The following MACROD2 variants were observed in gnomAD, a reference collection of about 807,000 sequenced individuals.
MACROD2 encodes the protein mono-ADP ribosylhydrolase 2.
MACROD2 carries 36 observed loss-of-function variants against 70.4 expected under a neutral mutation model. That is an observed-to-expected ratio of 0.51 (90% CI 0.39 to 0.68). MACROD2 has a LOEUF of 0.68. MACROD2 is among the 30% of genes least tolerant of loss of function. The pLI is 0.00. For synonymous variants in MACROD2, 172 were observed against 178.8 expected, an observed-to-expected ratio of 0.96 and a Z score of 0.30; for missense variants, 496 against 538.4, an observed-to-expected ratio of 0.92 and a Z score of 0.78.
intron 8 of MACROD2, among the ~76,000 whole-genome samples, chr20:15,721,258 C>A (rs2050783468): frequency 6.6e-6 from 1 of 151,926 alleles, no homozygotes; most frequent in South Asian, 2.1e-4. Flanking sequence ...AGTCTTGTAA[C>A]CCATGAGCAT....
intron 9 of MACROD2, among the ~76,000 whole-genome samples, chr20:15,870,799 A>G (rs2064569626): frequency 6.6e-6 from 1 of 152,206 alleles, no homozygotes; most frequent in African/African-American, 2.4e-5. Flanking sequence ...GTTTCAGGTA[A>G]AAAGTCAGTT....
intron 15 of MACROD2, among the ~76,000 whole-genome samples, chr20:15,987,639 A>G (rs1251189393): frequency 2.0e-5 from 3 of 152,180 alleles, no homozygotes; most frequent in Non-Finnish European, 4.4e-5. Flanking sequence ...GGATGCAATC[A>G]TATTGAATAC....
chr20:16,036,709 A>G lies in MACROD2; in HGVS notation c.1154-4492A>G, dbSNP rs560611275. ...ATCCAGTTGCACTGCCCAGCGATGT[A>G]GAAGCTATTAGGATAGTACCAGTTC... On this transcript the variant is annotated intron_variant, in intron 15 of 17. Transcript: ENST00000684519. Among the ~76,000 whole-genome samples, 3 of 152,128 alleles carry G rather than the reference A, an allele frequency of 2.0e-5. No individual in the cohort carries two copies. In the South Asian group the frequency reaches 6.2e-4, roughly 31 times the overall value.
Position 14,513,356 on chromosome 20 carries a change from A to T in MACROD2, c.301+19848A>T, listed in dbSNP as rs371827510. On this transcript the variant is annotated intron_variant, in intron 4 of 17. Transcript: ENST00000684519. Reference sequence around the variant, plus strand: ...AACAGGTCCTAACTGATGGGATTTAAATACTGTATATAGTAATTAAATAGT... The same window carrying T: ...AACAGGTCCTAACTGATGGGATTTATATACTGTATATAGTAATTAAATAGT... Among the ~76,000 whole-genome samples, 7 of 152,226 alleles carry T rather than the reference A, an allele frequency of 4.6e-5. No individual in the cohort carries two copies. In the East Asian group the frequency reaches 9.6e-4, roughly 21 times the overall value.
In MACROD2 at chr20:15,572,577, ATTAG is replaced by A. The variant is rs576576634; in HGVS notation, c.645+72733_645+72736del. Among the ~76,000 whole-genome samples the A allele has an allele frequency of 3.7e-3, 566 of 152,208 alleles. 4 individuals carry two copies. The highest frequency in any genetic ancestry group is 0.013 in the African/African-American group (541 of 41,554). On this transcript the variant is annotated intron_variant, in intron 8 of 17. Transcript: ENST00000684519. ...TGAGTCTGAAAATATTTCCTTATAA[ATTAG>A]TTTATTTGGTTTGTTTATACTAACA...
At position 16,051,452 on chromosome 20, in the gene MACROD2, A is replaced by T. The variant is rs2067457194; in HGVS notation, c.*1576A>T. ...CTTATTTGATATACTGGAATAGTTA[A>T]CAAGCTATACTTCAGCATATGCACT... is the stretch of plus-strand genomic sequence containing the variant. On this transcript the variant is annotated 3_prime_UTR_variant, in exon 18 of 18. Transcript: ENST00000684519. 3.3e-5 allele frequency: 5 copies of T among 152,190 alleles called. No individual in the cohort carries two copies. The highest frequency in any genetic ancestry group is 7.2e-5 in the African/African-American group (3 of 41,452). 9.4% of individuals were successfully genotyped at this position (152,190 alleles called of 1,614,324 possible). A position where few individuals can be genotyped will look rare whatever the true frequency, so the allele number is the denominator to read the frequency against.
intron 3 of MACROD2, among the ~76,000 whole-genome samples, chr20:14,111,957 G>A (rs914816952): frequency 1.3e-5 from 2 of 151,958 alleles, no homozygotes; most frequent in Admixed American, 1.3e-4. Context: ...AGCAGCCTAA[G>A]TGCCCATCAG....
chr20:14,044,940 C>T (rs767681390), intron 2 of MACROD2, among the ~76,000 whole-genome samples: 16 of 152,242 alleles, frequency 1.1e-4, no homozygotes, highest in Non-Finnish European at 2.2e-4. Context: ...GAGGCTCAGG[C>T]ATGGTGGGCT....
intron 8 of MACROD2, among the ~76,000 whole-genome samples, chr20:15,547,545 G>A (rs1315813592): frequency 1.3e-5 from 2 of 152,080 alleles, no homozygotes; most frequent in Non-Finnish European, 2.9e-5. Context: ...GAATAATACC[G>A]CTCATATTAC....
chr20:14,373,427 T>C (rs1341742517), intron 3 of MACROD2, among the ~76,000 whole-genome samples: 2 of 152,022 alleles, frequency 1.3e-5, no homozygotes, highest in Non-Finnish European at 2.9e-5. Flanking sequence ...TTGTCTCTAG[T>C]ATTTTTTTTT....
chr20:15,956,909 C>CA (rs1341151834), intron 12 of MACROD2, among the ~76,000 whole-genome samples: 2 of 152,168 alleles, frequency 1.3e-5, no homozygotes, highest in African/African-American at 4.8e-5. Context: ...TCTTACTCTT[C>CA]AAAAAAGATT....
At chr20:14,440,110 T>C (rs2084105091) in intron 3 of MACROD2, among the ~76,000 whole-genome samples, 2 of 152,330 alleles carry the variant, frequency 1.3e-5, no homozygotes, top group Middle Eastern at 3.4e-3. Context: ...GGCTAGTACA[T>C]GGGCTTTAGC....
intron 5 of MACROD2, among the ~76,000 whole-genome samples, chr20:14,695,142 C>T (rs1454256601): frequency 1.3e-5 from 2 of 152,160 alleles, no homozygotes; most frequent in Non-Finnish European, 2.9e-5. Context: ...AATTTATTCT[C>T]TCTCAGTTCT....
At chr20:15,605,920 G>T (rs2048887170) in intron 8 of MACROD2, among the ~76,000 whole-genome samples, 1 of 152,116 alleles carries the variant, frequency 6.6e-6, no homozygotes, top group South Asian at 2.1e-4. Flanking sequence ...GATGCTTGCT[G>T]GTATCTCTTC....
chr20:14,895,611 G>T (rs1197328569), intron 5 of MACROD2: 2 of 152,172 alleles, frequency 1.3e-5, no homozygotes, highest in Non-Finnish European at 2.9e-5. Flanking sequence ...TTTCCAGATG[G>T]TGTTTACATC....
chr20:14,804,478 T>C (rs2072615241), intron 5 of MACROD2, among the ~76,000 whole-genome samples: 1 of 152,116 alleles, frequency 6.6e-6, no homozygotes, highest in Non-Finnish European at 1.5e-5. Context: ...CTATGATAAA[T>C]TGGGAATCCA....
At chr20:14,092,654 A>G (rs535686437) in intron 3 of MACROD2, among the ~76,000 whole-genome samples, 22 of 152,312 alleles carry the variant, frequency 1.4e-4, no homozygotes, top group African/African-American at 5.3e-4. Flanking sequence ...TGATTGGGCA[A>G]ATTATTCAAC....
intron 3 of MACROD2, among the ~76,000 whole-genome samples, chr20:14,402,172 A>G (rs967032817): frequency 6.6e-6 from 1 of 152,090 alleles, no homozygotes; most frequent in African/African-American, 2.4e-5. Context: ...TCTGGCTTTA[A>G]TTTGTTGCCT....
intron 3 of MACROD2, among the ~76,000 whole-genome samples, chr20:14,218,866 T>A (rs778416515): frequency 6.6e-6 from 1 of 152,220 alleles, no homozygotes; most frequent in Non-Finnish European, 1.5e-5. Context: ...AAGTCCCCAA[T>A]TGCTTTTAGC....
Sources: gnomAD v4.1 joint callset for allele counts (sites outside exome capture counted in the v4.1 genomes callset) on GRCh38, gnomAD v4.1.1 for gene constraint, MANE v1.5 for transcripts, NCBI Gene and HGNC (gene_info 2026-07-23, HGNC 2026-07-21) for gene names.